The following NAALADL2 variants were observed in gnomAD, a reference collection of about 807,000 sequenced individuals.
NAALADL2 encodes N-acetylated alpha-linked acidic dipeptidase like 2.
In NAALADL2, 76 loss-of-function variants were observed where a neutral mutation model predicts 87.2. The ratio of observed to expected loss-of-function variants is 0.87; its 90% CI spans 0.72 to 1.05. The LOEUF (loss-of-function observed/expected upper bound fraction) is 1.05. NAALADL2 is among the 50% of genes least tolerant of loss of function. NAALADL2 has a pLI of 0.00. For missense variants in NAALADL2, 1,089 were observed against 945.8 expected, an observed-to-expected ratio of 1.15 and a Z score of -1.99; for synonymous variants, 354 against 331.0, an observed-to-expected ratio of 1.07 and a Z score of -0.75.
At chr3:174,885,810 A>G (rs1317776987) in intron 1 of NAALADL2, among the ~76,000 whole-genome samples, 1 of 143,406 alleles carries the variant, frequency 7.0e-6, no homozygotes, top group Non-Finnish European at 1.5e-5. Context: ...TTAAGTATTA[A>G]CTCACACAAT....
At chr3:175,413,045 C>A (rs569933733) in intron 5 of NAALADL2, among the ~76,000 whole-genome samples, 1 of 149,552 alleles carries the variant, frequency 6.7e-6, no homozygotes, top group South Asian at 2.1e-4. Flanking sequence ...CAGCTTCCCA[C>A]GCCCGGTTAA....
At chr3:174,669,750 G>A (rs1726343569) in intron 2 of NAALADL2, among the ~76,000 whole-genome samples, 1 of 151,830 alleles carries the variant, frequency 6.6e-6, no homozygotes, top group Admixed American at 6.6e-5. Context: ...TGAATTGTAG[G>A]ATTTTTTTTC....
At chr3:175,680,950 T>C (rs1367859256) in intron 11 of NAALADL2, among the ~76,000 whole-genome samples, 1 of 152,002 alleles carries the variant, frequency 6.6e-6, no homozygotes, top group East Asian at 1.9e-4. Context: ...CCGTCTCTAC[T>C]AACATACAAA....
At chr3:175,372,819 C>G (rs747885833) in intron 5 of NAALADL2, among the ~76,000 whole-genome samples, 10 of 152,218 alleles carry the variant, frequency 6.6e-5, no homozygotes, top group African/African-American at 2.4e-5. Context: ...AAGATCCCAA[C>G]TAAGTTTTCC....
At chr3:174,920,968 T>G (rs1185201606) in intron 1 of NAALADL2, among the ~76,000 whole-genome samples, 1 of 152,206 alleles carries the variant, frequency 6.6e-6, no homozygotes, top group Non-Finnish European at 1.5e-5. Context: ...ATTTGTCTAT[T>G]AAGTTTGCCA....
At chr3:175,752,371 T>A (rs1273165206) in intron 12 of NAALADL2, among the ~76,000 whole-genome samples, 1 of 152,048 alleles carries the variant, frequency 6.6e-6, no homozygotes, top group Non-Finnish European at 1.5e-5. Context: ...ACCTCTCCCT[T>A]CACAGAACTG....
intron 4 of NAALADL2, among the ~76,000 whole-genome samples, chr3:175,323,023 A>G (rs1370609519): frequency 6.6e-6 from 1 of 151,122 alleles, no homozygotes; most frequent in Admixed American, 6.6e-5. Context: ...ATGCTGCTAT[A>G]AAGACACATG....
At chr3:175,114,454 G>A (rs1055492175) in intron 2 of NAALADL2, among the ~76,000 whole-genome samples, 4 of 151,608 alleles carry the variant, frequency 2.6e-5, no homozygotes, top group African/African-American at 9.7e-5. Flanking sequence ...GTATTATTAC[G>A]CTAAAGTAAC....
intron 7 of NAALADL2, among the ~76,000 whole-genome samples, chr3:175,465,455 GTA>G (rs1723849013): frequency 7.1e-6 from 1 of 141,344 alleles, no homozygotes; most frequent in African/African-American, 2.7e-5. Context: ...CTCACACTAT[GTA>G]TACCATGAAT....
intron 2 of NAALADL2, among the ~76,000 whole-genome samples, chr3:175,157,264 C>T (rs1399478305): frequency 1.3e-5 from 2 of 152,080 alleles, no homozygotes; most frequent in African/African-American, 2.4e-5. Context: ...ACAGCATGAA[C>T]TGCAGAAGGC....
At chr3:175,276,443 A>G (rs951575486) in intron 4 of NAALADL2, among the ~76,000 whole-genome samples, 2 of 152,008 alleles carry the variant, frequency 1.3e-5, no homozygotes, top group Admixed American at 6.6e-5. Context: ...AGCTGGGACT[A>G]CAGGCATGTG....
chr3:175,479,889 A>G (rs1159469981), intron 9 of NAALADL2, among the ~76,000 whole-genome samples: 1 of 151,770 alleles, frequency 6.6e-6, no homozygotes, highest in African/African-American at 2.4e-5. Context: ...AGGGCCATGG[A>G]TAGTAATTTT....
intron 13 of NAALADL2, among the ~76,000 whole-genome samples, chr3:175,791,643 A>C (rs1192468819): frequency 6.6e-6 from 1 of 152,066 alleles, no homozygotes. Context: ...TAAACTGACT[A>C]TTTCTATAAT....
chr3:175,132,583 A>C (rs374875727), intron 2 of NAALADL2, among the ~76,000 whole-genome samples: 2 of 70,978 alleles, frequency 2.8e-5, no homozygotes, highest in Admixed American at 1.3e-4. Flanking sequence ...CCTCCCTCCC[A>C]GACGGGGCGG....
intron 2 of NAALADL2, among the ~76,000 whole-genome samples, chr3:174,733,224 A>G (rs986936963): frequency 6.6e-6 from 1 of 152,200 alleles, no homozygotes. Flanking sequence ...GGTAACGCTT[A>G]AAAGGTCCAC....
At chr3:175,647,151 T>C (rs1262198639) in intron 11 of NAALADL2, among the ~76,000 whole-genome samples, 1 of 152,148 alleles carries the variant, frequency 6.6e-6, no homozygotes. Context: ...GCGAGTCATA[T>C]GGCCATGTCT....
chr3:175,567,718 C>CTTTTTT (rs536353071), intron 9 of NAALADL2, among the ~76,000 whole-genome samples: 1 of 138,188 alleles, frequency 7.2e-6, no homozygotes, highest in African/African-American at 2.7e-5. Context: ...TTTTTCTTTT[C>CTTTTTT]TTTTTTTTTT....
intron 9 of NAALADL2, among the ~76,000 whole-genome samples, chr3:175,509,770 G>A (rs554260752): frequency 9.2e-5 from 14 of 152,280 alleles, no homozygotes; most frequent in African/African-American, 2.6e-4. Context: ...CCAGAGTGGC[G>A]CAGAGCTGGG....
chr3:175,120,068 G>GTATTTAGAT (rs11283171), intron 2 of NAALADL2, among the ~76,000 whole-genome samples: 79,898 of 150,644 alleles, frequency 0.53, 21,197 homozygotes, highest in East Asian at 0.62. Context: ...GGATTTTGAT[G>GTATTTAGAT]GTATTTAGAT....
Sources: allele counts gnomAD v4.1 joint callset (sites outside exome capture counted in the v4.1 genomes callset), GRCh38; gene constraint gnomAD v4.1.1; transcripts MANE v1.5; gene names NCBI Gene and HGNC (gene_info 2026-07-23, HGNC 2026-07-21).